The following TMEM178B variants were observed in gnomAD, a reference collection of about 807,000 sequenced individuals.
The protein encoded by TMEM178B is transmembrane protein 178B.
A neutral mutation model predicts 31.0 loss-of-function variants in TMEM178B; 5 were observed. The observed-to-expected ratio is 0.16, with a 90% confidence interval of 0.08 to 0.34. The LOEUF is 0.34. TMEM178B is among the 10% of genes least tolerant of loss of function. TMEM178B has a pLI of 1.00. For missense variants in TMEM178B, 275 were observed against 400.3 expected (o/e 0.69, Z 2.67); for synonymous variants, 164 against 164.0 (o/e 1.00, Z 0.00).
intron 2 of TMEM178B, among the ~76,000 whole-genome samples, chr7:141,237,295 G>A (rs1277447773): frequency 6.6e-6 from 1 of 152,186 alleles, no homozygotes; most frequent in African/African-American, 2.4e-5. Context: ...TATACAGAGA[G>A]TTTTAAATTC....
At chr7:141,364,117 G>C (rs1214551710) in intron 2 of TMEM178B, among the ~76,000 whole-genome samples, 1 of 152,138 alleles carries the variant, frequency 6.6e-6, no homozygotes, top group Non-Finnish European at 1.5e-5. Flanking sequence ...TCTTCTAGAA[G>C]TAATAGATTT....
At position 141,473,305 on chromosome 7, in the gene TMEM178B, G is replaced by C. The variant is rs1173223907; in HGVS notation, c.*2519G>C. On this transcript the variant is annotated 3_prime_UTR_variant, in exon 4 of 4. Coordinates refer to ENST00000565468, the MANE Select transcript of TMEM178B (RefSeq NM_001195278.2). ...CCTGAAGGGGCTCTGCCGAGGAAGG[G>C]ACAGACAGGTTCACAAGCATCCATT... 1.3e-5 allele frequency: 2 copies of C among 152,196 alleles called. No homozygotes were observed. The highest frequency in any genetic ancestry group is 4.8e-5 in the African/African-American group (2 of 41,450). The allele number at this position is 152,196 out of a possible 1,614,324, so 9.4% of individuals were successfully genotyped here. A position where few individuals can be genotyped will look rare whatever the true frequency, so the allele number is the denominator to read the frequency against.
intron 2 of TMEM178B, among the ~76,000 whole-genome samples, chr7:141,379,918 C>G (rs1389924196): frequency 6.6e-6 from 1 of 152,108 alleles, no homozygotes; most frequent in Non-Finnish European, 1.5e-5. Flanking sequence ...TATTACAATT[C>G]TACCAGAAAA....
Position 141,237,086 on chromosome 7 carries a change from A to G in TMEM178B, c.496+24382A>G, listed in dbSNP as rs150559725. On this transcript the variant is annotated intron_variant, in intron 2 of 3. Transcript: ENST00000565468. ...ATGCAAATTAATACACTAATAGCAT[A>G]TCTTTTGTTTTGTTTTGTTTTTTTA... 6.0e-3 allele frequency among the ~76,000 whole-genome samples: 915 copies of G among 152,362 alleles called. 12 individuals carry two copies. Among genetic ancestry groups the G allele is most frequent in the Middle Eastern group, 0.02 (6 of 294 alleles).
intron 2 of TMEM178B, among the ~76,000 whole-genome samples, chr7:141,214,721 G>C (rs1797103812): frequency 6.6e-6 from 1 of 152,060 alleles, no homozygotes; most frequent in African/African-American, 2.4e-5. Context: ...GGTCTTCTTT[G>C]AGCCCTGCGT....
intron 3 of TMEM178B, among the ~76,000 whole-genome samples, chr7:141,469,869 C>T (rs1802207773): frequency 6.6e-6 from 1 of 151,810 alleles, no homozygotes; most frequent in Non-Finnish European, 1.5e-5. Flanking sequence ...GATGAGTTAC[C>T]TTAATATTAA....
rs534439282 is a variant in TMEM178B, at chr7:141,273,476, A to G, written c.496+60772A>G. The stretch of plus-strand genomic sequence containing the variant: ...ATGTTAAACCCTGAGGGTCCTTGGA[A>G]TATAAGAAGCGAGTGAGAAATGGAG... On this transcript the variant is annotated intron_variant, in intron 2 of 3. Transcript: ENST00000565468. Among the ~76,000 whole-genome samples, 82 of 152,362 alleles carry G rather than the reference A, an allele frequency of 5.4e-4. 1 individual carries two copies. The South Asian group carries it at 0.017, about 31-fold the overall frequency.
intron 2 of TMEM178B, among the ~76,000 whole-genome samples, chr7:141,377,245 G>C (rs1484441193): frequency 6.6e-6 from 1 of 151,648 alleles, no homozygotes; most frequent in Non-Finnish European, 1.5e-5. Context: ...GTGCAATGGA[G>C]CTATCTCGGC....
intron 2 of TMEM178B, among the ~76,000 whole-genome samples, chr7:141,303,247 G>A (rs1292460743): frequency 4.6e-5 from 7 of 152,108 alleles, no homozygotes; most frequent in Non-Finnish European, 5.9e-5. Flanking sequence ...CTGTGGGATT[G>A]GAAATGTGTC....
At chr7:141,138,314 G>T (rs1563097532) in intron 1 of TMEM178B, among the ~76,000 whole-genome samples, 1 of 152,046 alleles carries the variant, frequency 6.6e-6, no homozygotes, top group East Asian at 1.9e-4. Flanking sequence ...ACCCATCTCG[G>T]CCTCCCAAAG....
At position 141,208,649 on chromosome 7, in the gene TMEM178B, C is replaced by T. The variant is rs578003589; in HGVS notation, c.383-3942C>T. ...GTGGTGGCTGCTCCAGGCAGGCTCC[C>T]TAGCCAGTCACCTGCAGTGCCTGTG... On this transcript the variant is annotated intron_variant, in intron 1 of 3. Transcript: ENST00000565468. Among the ~76,000 whole-genome samples, 11 of 152,352 alleles carry T rather than the reference C, an allele frequency of 7.2e-5. No homozygotes were observed. In the South Asian group the frequency reaches 1.2e-3, roughly 17 times the overall value.
chr7:141,428,205 A>G (rs1461053080), intron 2 of TMEM178B, among the ~76,000 whole-genome samples: 2 of 151,920 alleles, frequency 1.3e-5, no homozygotes, highest in African/African-American at 4.8e-5. Context: ...CTCTACTAAA[A>G]ATACAAAAAA....
At chr7:141,160,604 T>C (rs2129181541) in intron 1 of TMEM178B, among the ~76,000 whole-genome samples, 1 of 152,280 alleles carries the variant, frequency 6.6e-6, no homozygotes, top group Admixed American at 6.5e-5. Flanking sequence ...TGACACATGC[T>C]CCATAACTGC....
At chr7:141,454,545 C>G (rs1005573216) in intron 3 of TMEM178B, among the ~76,000 whole-genome samples, 1 of 132,418 alleles carries the variant, frequency 7.6e-6, no homozygotes, top group Non-Finnish European at 1.8e-5. Context: ...CTCCTCTCCT[C>G]TTCTCTCCTC....
rs141406844 is a variant in TMEM178B at position 141,094,900 on chromosome 7, A to G, written c.382+20208A>G. On this transcript the variant is annotated intron_variant, in intron 1 of 3. Coordinates refer to ENST00000565468, the MANE Select transcript of TMEM178B (RefSeq NM_001195278.2). ...CCTCTGATTAAATGACTGAAGACCT[A>G]TAGTGATGCAGAATCAATTTCTTTG... is the stretch of plus-strand genomic sequence containing the variant. Among the ~76,000 whole-genome samples, 88 of 152,346 alleles carry G rather than the reference A, an allele frequency of 5.8e-4. 1 individual carries two copies. The East Asian group carries it at 0.016, about 28-fold the overall frequency.
intron 1 of TMEM178B, among the ~76,000 whole-genome samples, chr7:141,152,199 C>G (rs1198124229): frequency 6.6e-6 from 1 of 152,184 alleles, no homozygotes; most frequent in Non-Finnish European, 1.5e-5. Flanking sequence ...GCTGACTGAG[C>G]CCCACACTAG....
At chr7:141,402,542 A>G (rs1800805060) in intron 2 of TMEM178B, among the ~76,000 whole-genome samples, 2 of 152,208 alleles carry the variant, frequency 1.3e-5, no homozygotes, top group African/African-American at 4.8e-5. Flanking sequence ...GCACCCTAGG[A>G]CCAAGCGGGC....
Position 141,092,247 on chromosome 7 carries a change from C to T in TMEM178B, c.382+17555C>T, listed in dbSNP as rs1352504695. ...AATCTGAACACTGATTTTTAAGAGA[C>T]TTGGGTGGGCTTGGATATAGCATCA... On this transcript the variant is annotated intron_variant, in intron 1 of 3. Transcript: ENST00000565468. Among the ~76,000 whole-genome samples, 3 of 152,072 alleles carry T rather than the reference C, an allele frequency of 2.0e-5. No individual in the cohort carries two copies. In the East Asian group the frequency reaches 5.8e-4, roughly 29 times the overall value.
intron 3 of TMEM178B, among the ~76,000 whole-genome samples, chr7:141,463,913 T>C (rs1011200551): frequency 1.3e-5 from 2 of 152,210 alleles, no homozygotes; most frequent in Admixed American, 6.5e-5. Context: ...CTGAGTGTGA[T>C]AGAAGCTATT....
Sources: gnomAD v4.1 joint callset for allele counts (sites outside exome capture counted in the v4.1 genomes callset) on GRCh38, gnomAD v4.1.1 for gene constraint, MANE v1.5 for transcripts, NCBI Gene and HGNC (gene_info 2026-07-23, HGNC 2026-07-21) for gene names.